NSUN7: variants seen among roughly 807,000 people sequenced by gnomAD.
NSUN7 encodes NOP2/Sun RNA methyltransferase family member 7.
Under a neutral mutation model 58.5 loss-of-function variants are expected in NSUN7, and 39 were observed. That is an observed-to-expected ratio of 0.67 (90% CI 0.52 to 0.87). The LOEUF is 0.87. NSUN7 is among the 40% of genes least tolerant of loss of function. The probability of loss-of-function intolerance (pLI) is 0.00; values close to 1 mark genes in which losing one functional copy is unlikely to be tolerated. For synonymous variants in NSUN7, 278 were observed against 303.7 expected, an observed-to-expected ratio of 0.92 and a Z score of 0.88; for missense variants, 765 against 844.1, an observed-to-expected ratio of 0.91 and a Z score of 1.16.
chr4:40,776,986 C>T (rs1742300352), intron 7 of NSUN7, among the ~76,000 whole-genome samples: 1 of 152,138 alleles, frequency 6.6e-6, no homozygotes, highest in Non-Finnish European at 1.5e-5. Flanking sequence ...CTAAAGATTA[C>T]ATTTTATTAT....
At chr4:40,790,837 C>T (rs1743046050) in intron 8 of NSUN7, 92 bp downstream of exon 8, 3 of 971,982 alleles carry the variant, frequency 3.1e-6, no homozygotes, top group South Asian at 1.7e-5. Context: ...TCAAATACAT[C>T]TGATTAATAA....
chr4:40,788,535 C>T (rs552249559), intron 7 of NSUN7, among the ~76,000 whole-genome samples: 46 of 152,276 alleles, frequency 3.0e-4, no homozygotes, highest in Admixed American at 1.2e-3. Context: ...CTTTGTCCTG[C>T]CTTGTGATGC....
intron 7 of NSUN7, chr4:40,785,967 C>T (rs1180874848): frequency 1.4e-5 from 16 of 1,145,136 alleles, no homozygotes; most frequent in East Asian, 1.1e-4. Context: ...GGTATCAGGG[C>T]GCCTCCCCAG....
At chr4:40,806,548 C>T (rs944478859) in intron 10 of NSUN7, among the ~76,000 whole-genome samples, 17 of 152,132 alleles carry the variant, frequency 1.1e-4, no homozygotes, top group African/African-American at 4.1e-4. Flanking sequence ...TTCTTGAACA[C>T]TATGTAACTC....
rs1271977723 is a variant in NSUN7, at chr4:40,761,311, A to G, written c.488+10A>G. ...AGAACCTTCTTAACAGGTAATCGTA[A>G]AAGTGAAAAGAATGTTTTATATGAA... On this transcript the variant is annotated intron_variant, in intron 4 of 11. Transcript: ENST00000381782. 1.3e-6 allele frequency: 2 copies of G among 1,598,460 alleles called. No individual in the cohort carries two copies. Among genetic ancestry groups the G allele is most frequent in the Admixed American group, 3.5e-5 (2 of 57,208 alleles).
intron 7 of NSUN7, among the ~76,000 whole-genome samples, chr4:40,782,686 T>C (rs1742634922): frequency 6.6e-6 from 1 of 151,696 alleles, no homozygotes; most frequent in Non-Finnish European, 1.5e-5. Flanking sequence ...TCTGGCAACG[T>C]AGCAAGATCC....
chr4:40,780,792 C>CACACACAT (rs1279795326), intron 7 of NSUN7, among the ~76,000 whole-genome samples: 1 of 98,774 alleles, frequency 1.0e-5, no homozygotes, highest in African/African-American at 4.0e-5. Flanking sequence ...CACACATACA[C>CACACACAT]ATATATATAT....
At chr4:40,770,291 G>T (rs959689487) in intron 4 of NSUN7, among the ~76,000 whole-genome samples, 4 of 151,486 alleles carry the variant, frequency 2.6e-5, no homozygotes, top group Admixed American at 2.6e-4. Flanking sequence ...GTCGTTAGGT[G>T]ATTTCTTCTG....
rs1245607952 is a variant in NSUN7, at chr4:40,809,451, T to G, written c.*512T>G. 1.3e-5 allele frequency: 2 copies of G among 152,264 alleles called. No homozygotes were observed. Among genetic ancestry groups the G allele is most frequent in the African/African-American group, 2.4e-5 (1 of 41,444 alleles). The allele number at this position is 152,264 out of a possible 1,614,324, so 9.4% of individuals were successfully genotyped here. A position where few individuals can be genotyped will look rare whatever the true frequency, so the allele number is the denominator to read the frequency against. On this transcript the variant is annotated 3_prime_UTR_variant, in exon 12 of 12. Transcript: ENST00000381782. The stretch of plus-strand genomic sequence containing the variant: ...CTTTGAACAGGGAATGAACATGAGT[T>G]TTTGTAACGTGACTGAAGTTGAGTT...
In NSUN7 at chr4:40,796,680, C is replaced by A. The variant is rs372900913; in HGVS notation, c.1283-2107C>A. ...TATAAGAAACATGTCTCCTTATATC[C>A]TTTACACCTATTAATGACAATTAAC... On this transcript the variant is annotated intron_variant, in intron 9 of 11. Transcript: ENST00000381782. Among the ~76,000 whole-genome samples, 361 of 152,138 alleles carry A rather than the reference C, an allele frequency of 2.4e-3. 2 individuals carry two copies. The highest frequency in any genetic ancestry group is 8.1e-3 in the African/African-American group (335 of 41,504).
In NSUN7 at chr4:40,761,600, A is replaced by G. The variant is rs1366149481; in HGVS notation, c.488+299A>G. Among the ~76,000 whole-genome samples the G allele has an allele frequency of 3.9e-5, 6 of 152,306 alleles. No individual in the cohort carries two copies. In the East Asian group the frequency reaches 1.2e-3, roughly 29 times the overall value. ...TTAAACTGTATTTGAAACAGCTACT[A>G]ATTGCTTAGTTCACTTTATTTATAG... On this transcript the variant is annotated intron_variant, in intron 4 of 11. Transcript: ENST00000381782.
intron 9 of NSUN7, among the ~76,000 whole-genome samples, chr4:40,798,197 A>G (rs940926596): frequency 6.6e-6 from 1 of 152,130 alleles, no homozygotes; most frequent in Non-Finnish European, 1.5e-5. Flanking sequence ...TTTCTCCTCT[A>G]CTAGAAAGTT....
intron 2 of NSUN7, among the ~76,000 whole-genome samples, chr4:40,757,860 G>T (rs1206050711): frequency 6.6e-6 from 1 of 151,506 alleles, no homozygotes; most frequent in African/African-American, 2.4e-5. Flanking sequence ...GGAAAAGGAT[G>T]TTCTGTTCTC....
In NSUN7 at chr4:40,810,895, T is replaced by G. The variant is rs1744272054; in HGVS notation, c.*1956T>G. 3 of 152,224 alleles carry G rather than the reference T, an allele frequency of 2.0e-5. No individual in the cohort carries two copies. The highest frequency in any genetic ancestry group is 2.0e-4 in the Admixed American group (3 of 15,280). The allele number at this position is 152,224 out of a possible 1,614,324, so 9.4% of individuals were successfully genotyped here. A position where few individuals can be genotyped will look rare whatever the true frequency, so the allele number is the denominator to read the frequency against. ...TTGTTCAGTAAAGAATCCCATTGTG[T>G]ATCATAAGAATCCCTTATCCTTTTC... On this transcript the variant is annotated 3_prime_UTR_variant, in exon 12 of 12. Transcript: ENST00000381782.
chr4:40,758,554 G>C (rs1225204588), intron 2 of NSUN7, among the ~76,000 whole-genome samples: 1 of 152,004 alleles, frequency 6.6e-6, no homozygotes, highest in African/African-American at 2.4e-5. Flanking sequence ...GGCCAGGCAT[G>C]GTGTCTCACG....
At chr4:40,801,331 C>T (rs1743570567) in intron 10 of NSUN7, among the ~76,000 whole-genome samples, 2 of 152,194 alleles carry the variant, frequency 1.3e-5, no homozygotes, top group South Asian at 4.1e-4. Flanking sequence ...ATATTACCTA[C>T]ATCATTAGAT....
chr4:40,768,474 G>A (rs941885245), intron 4 of NSUN7, among the ~76,000 whole-genome samples: 4 of 152,182 alleles, frequency 2.6e-5, no homozygotes, highest in Non-Finnish European at 4.4e-5. Flanking sequence ...ACAAGTGTGA[G>A]CTGCCGTGCT....
chr4:40,798,495 G>A (rs1743418773), intron 9 of NSUN7, among the ~76,000 whole-genome samples: 1 of 152,208 alleles, frequency 6.6e-6, no homozygotes, highest in East Asian at 1.9e-4. Flanking sequence ...GAAGTATCAA[G>A]TTCATGGTAA....
chr4:40,803,891 G>C (rs1470786823), intron 10 of NSUN7, among the ~76,000 whole-genome samples: 2 of 151,976 alleles, frequency 1.3e-5, no homozygotes, highest in African/African-American at 4.8e-5. Context: ...GCAACATAGA[G>C]AGACCCCATC....
Sources: gnomAD v4.1 joint callset for allele counts (sites outside exome capture counted in the v4.1 genomes callset) on GRCh38, gnomAD v4.1.1 for gene constraint, MANE v1.5 for transcripts, NCBI Gene and HGNC (gene_info 2026-07-23, HGNC 2026-07-21) for gene names.